The following DOK6 variants were observed in gnomAD, a reference collection of about 807,000 sequenced individuals.
The protein encoded by DOK6 is downstream of tyrosine kinase 6.
DOK6 carries 22 observed loss-of-function variants against 44.0 expected under a neutral mutation model. That is an observed-to-expected ratio of 0.50 (90% CI 0.36 to 0.71). DOK6 has a LOEUF of 0.71. Among genes scored for constraint, DOK6 ranks in the 30% least tolerant of loss-of-function variants. DOK6 has a pLI of 0.00. For missense variants in DOK6, 340 were observed against 416.4 expected, an observed-to-expected ratio of 0.82 and a Z score of 1.60; for synonymous variants, 166 against 145.5, an observed-to-expected ratio of 1.14 and a Z score of -1.01.
At chr18:69,411,557 G>A (rs1217790271) in intron 1 of DOK6, among the ~76,000 whole-genome samples, 1 of 152,050 alleles carries the variant, frequency 6.6e-6, no homozygotes, top group Non-Finnish European at 1.5e-5. Context: ...GAATCCATCT[G>A]GCAGTCTTAT....
At chr18:69,483,774 CCTCA>C (rs1171454897) in intron 1 of DOK6, 3 of 152,052 alleles carry the variant, frequency 2.0e-5, no homozygotes, top group Non-Finnish European at 4.4e-5. Flanking sequence ...TGCAGGCTTT[CCTCA>C]TGCTTGCCTA....
intron 1 of DOK6, among the ~76,000 whole-genome samples, chr18:69,440,753 A>AAC (rs55904998): frequency 0.014 from 2,128 of 149,898 alleles, 19 homozygotes; most frequent in African/African-American, 0.041. Flanking sequence ...TACACACACA[A>AAC]ACACACACAC....
chr18:69,651,935 A>G (rs1326649425), intron 3 of DOK6, among the ~76,000 whole-genome samples: 1 of 129,172 alleles, frequency 7.7e-6, no homozygotes. Flanking sequence ...TAAAAAGGAA[A>G]CTAATTTAAG....
chr18:69,461,186 G>A (rs1297176388), intron 1 of DOK6, among the ~76,000 whole-genome samples: 1 of 152,078 alleles, frequency 6.6e-6, no homozygotes, highest in African/African-American at 2.4e-5. Context: ...CACACACATT[G>A]TCTCTCTCTC....
In DOK6 at chr18:69,764,556, G is replaced by A. The variant is rs545786530; in HGVS notation, c.856+6683G>A. On this transcript the variant is annotated intron_variant, in intron 7 of 7. Coordinates refer to ENST00000382713, the MANE Select transcript of DOK6 (RefSeq NM_152721.6). ...CTCCAATTCTCTCTCCTGCCACCAC[G>A]TGAAGAAGGATGTGTTTGCTTCCCC... 3.3e-5 allele frequency among the ~76,000 whole-genome samples: 5 copies of A among 152,238 alleles called. No homozygotes were observed. In the South Asian group the frequency reaches 6.2e-4, roughly 19 times the overall value.
At chr18:69,538,059 T>C (rs1234872192) in intron 1 of DOK6, among the ~76,000 whole-genome samples, 1 of 152,186 alleles carries the variant, frequency 6.6e-6, no homozygotes, top group Non-Finnish European at 1.5e-5. Context: ...CAAAAAATAT[T>C]GTAAAGTTAC....
At chr18:69,438,064 G>A (rs573917022) in intron 1 of DOK6, among the ~76,000 whole-genome samples, 24 of 152,276 alleles carry the variant, frequency 1.6e-4, no homozygotes, top group Non-Finnish European at 3.2e-4. Context: ...GATGGCTGCT[G>A]ACAGATCAAG....
At chr18:69,536,155 A>G (rs1323639460) in intron 1 of DOK6, among the ~76,000 whole-genome samples, 2 of 152,182 alleles carry the variant, frequency 1.3e-5, no homozygotes, top group Non-Finnish European at 2.9e-5. Flanking sequence ...GATATAAGAA[A>G]GGACTCAAAG....
chr18:69,466,637 GA>G (rs1979935908), intron 1 of DOK6, among the ~76,000 whole-genome samples: 2 of 151,314 alleles, frequency 1.3e-5, no homozygotes, highest in South Asian at 4.2e-4. Context: ...TTTTGTCTTT[GA>G]AAAATTTTTC....
intron 3 of DOK6, among the ~76,000 whole-genome samples, chr18:69,663,919 GTTTAC>G (rs1985592287): frequency 6.6e-6 from 1 of 152,110 alleles, no homozygotes. Flanking sequence ...ATATTATAAA[GTTTAC>G]TTTAATAAAA....
chr18:69,745,372 G>A (rs1424908866), intron 6 of DOK6, among the ~76,000 whole-genome samples: 1 of 152,116 alleles, frequency 6.6e-6, no homozygotes, highest in Admixed American at 6.5e-5. Context: ...ATTTCAAAAG[G>A]TTCATCAAAA....
chr18:69,713,765 C>A (rs1986822018), intron 5 of DOK6, among the ~76,000 whole-genome samples: 1 of 151,944 alleles, frequency 6.6e-6, no homozygotes, highest in Non-Finnish European at 1.5e-5. Context: ...CTATATCATA[C>A]CTTTTTTACA....
chr18:69,695,158 C>CTTTA (rs1240311425), intron 4 of DOK6, among the ~76,000 whole-genome samples: 1 of 152,186 alleles, frequency 6.6e-6, no homozygotes, highest in Non-Finnish European at 1.5e-5. Context: ...GTGAGTTTCA[C>CTTTA]AAATCAACAG....
chr18:69,695,417 A>C (rs1986367755), intron 4 of DOK6, among the ~76,000 whole-genome samples: 1 of 152,228 alleles, frequency 6.6e-6, no homozygotes, highest in African/African-American at 2.4e-5. Flanking sequence ...TTAGAGAGTG[A>C]TTTAAAACGC....
chr18:69,689,365 TAAAGA>T (rs1276727544), intron 4 of DOK6, among the ~76,000 whole-genome samples: 1 of 152,200 alleles, frequency 6.6e-6, no homozygotes, highest in Non-Finnish European at 1.5e-5. Flanking sequence ...TTACAAAAGT[TAAAGA>T]AAATTGTTTT....
At chr18:69,772,353 G>A (rs1424136450) in intron 7 of DOK6, among the ~76,000 whole-genome samples, 1 of 151,928 alleles carries the variant, frequency 6.6e-6, no homozygotes, top group Non-Finnish European at 1.5e-5. Flanking sequence ...TCACAGGAAT[G>A]GAAACAATTA....
At chr18:69,716,772 A>C (rs1400738660) in intron 5 of DOK6, among the ~76,000 whole-genome samples, 1 of 151,340 alleles carries the variant, frequency 6.6e-6, no homozygotes, top group African/African-American at 2.4e-5. Context: ...CTTGCGCCCT[A>C]AAGTGGTGTT....
intron 7 of DOK6, among the ~76,000 whole-genome samples, chr18:69,824,289 T>C: frequency 6.9e-6 from 1 of 144,726 alleles, no homozygotes; most frequent in Non-Finnish European, 1.5e-5. Context: ...GATGAGAACA[T>C]GCGGTGTTTG....
At chr18:69,770,009 C>G (rs140426569) in intron 7 of DOK6, among the ~76,000 whole-genome samples, 1 of 152,224 alleles carries the variant, frequency 6.6e-6, no homozygotes, top group Non-Finnish European at 1.5e-5. Flanking sequence ...ATTGAGCAAC[C>G]TTCTATGAAC....
Sources: gnomAD v4.1 joint callset for allele counts (sites outside exome capture counted in the v4.1 genomes callset) on GRCh38, gnomAD v4.1.1 for gene constraint, MANE v1.5 for transcripts, NCBI Gene and HGNC (gene_info 2026-07-23, HGNC 2026-07-21) for gene names.